The following SLC24A2 variants were observed in gnomAD, a reference collection of about 807,000 sequenced individuals.
SLC24A2 encodes the protein sodium/potassium/calcium exchanger 2.
A neutral mutation model predicts 62.0 loss-of-function variants in SLC24A2; 36 were observed. The ratio of observed to expected loss-of-function variants is 0.58; its 90% CI spans 0.44 to 0.77. The LOEUF is 0.77. SLC24A2 is among the 30% of genes least tolerant of loss of function. The probability of loss-of-function intolerance (pLI) is 0.00; values close to 1 mark genes in which losing one functional copy is unlikely to be tolerated. For synonymous variants in SLC24A2, 358 were observed against 294.0 expected, an observed-to-expected ratio of 1.22 and a Z score of -2.23; for missense variants, 846 against 817.9, an observed-to-expected ratio of 1.03 and a Z score of -0.42.
the SLC24A2 span, among the ~76,000 whole-genome samples, chr9:20,200,076 A>C: frequency 2.0e-5 from 3 of 151,970 alleles, no homozygotes; most frequent in South Asian, 4.2e-4. Context: ...TTCAAATAAG[A>C]AACAAAAATA....
At chr9:19,895,207 C>A in the SLC24A2 span, among the ~76,000 whole-genome samples, 2 of 151,808 alleles carry the variant, frequency 1.3e-5, no homozygotes, top group Non-Finnish European at 2.9e-5. Context: ...AGGAAATCAG[C>A]AGCTTAACCA....
chr9:19,779,447 ATAT>A (rs1339180125), intron 2 of SLC24A2, among the ~76,000 whole-genome samples: 21 of 152,248 alleles, frequency 1.4e-4, no homozygotes, highest in African/African-American at 4.6e-4. Context: ...AGACAGTGGA[ATAT>A]TATTATCGAA....
chr9:20,141,266 T>C, the SLC24A2 span, among the ~76,000 whole-genome samples: 1 of 152,052 alleles, frequency 6.6e-6, no homozygotes, highest in Non-Finnish European at 1.5e-5. Flanking sequence ...CTCTATCTCT[T>C]CCATGTCTCA....
At chr9:19,614,102 GT>G (rs1817701631) in intron 4 of SLC24A2, among the ~76,000 whole-genome samples, 1 of 152,158 alleles carries the variant, frequency 6.6e-6, no homozygotes, top group East Asian at 1.9e-4. Flanking sequence ...CAGCATCCTT[GT>G]TTTTAGGTTC....
chr9:19,860,309 C>G, the SLC24A2 span, among the ~76,000 whole-genome samples: 1 of 152,194 alleles, frequency 6.6e-6, no homozygotes, highest in East Asian at 1.9e-4. Flanking sequence ...TTTTCCAGGC[C>G]CTATCTCCCA....
the SLC24A2 span, among the ~76,000 whole-genome samples, chr9:19,962,086 G>C: frequency 6.6e-6 from 1 of 152,178 alleles, no homozygotes; most frequent in African/African-American, 2.4e-5. Flanking sequence ...ATCTGTGTTA[G>C]GTCAGTCAGT....
At chr9:19,548,694 C>G (rs1834698406) in intron 8 of SLC24A2, among the ~76,000 whole-genome samples, 1 of 152,234 alleles carries the variant, frequency 6.6e-6, no homozygotes, top group South Asian at 2.1e-4. Flanking sequence ...GCTGATGCAC[C>G]TAACAAGAAA....
At chr9:19,799,162 C>T in the SLC24A2 span, among the ~76,000 whole-genome samples, 1 of 151,978 alleles carries the variant, frequency 6.6e-6, no homozygotes, top group Non-Finnish European at 1.5e-5. Context: ...CTTTTTTCAG[C>T]TCTTCTAACT....
the SLC24A2 span, among the ~76,000 whole-genome samples, chr9:20,208,131 G>A: frequency 6.6e-6 from 1 of 152,188 alleles, no homozygotes; most frequent in East Asian, 1.9e-4. Flanking sequence ...ATCAGGGAAG[G>A]AAAAGGGATC....
the SLC24A2 span, among the ~76,000 whole-genome samples, chr9:19,889,048 T>C: frequency 2.0e-5 from 3 of 152,152 alleles, no homozygotes; most frequent in South Asian, 4.1e-4. Context: ...CCCCAGACCA[T>C]CAGTGTGAGC....
At chr9:19,567,690 CAAAAA>C (rs113815958) in intron 7 of SLC24A2, among the ~76,000 whole-genome samples, 5 of 142,484 alleles carry the variant, frequency 3.5e-5, no homozygotes, top group African/African-American at 1.3e-4. Context: ...TTAAAATAAC[CAAAAA>C]AAAAAAAAAA....
the SLC24A2 span, among the ~76,000 whole-genome samples, chr9:20,227,271 T>A: frequency 6.6e-6 from 1 of 152,100 alleles, no homozygotes; most frequent in Non-Finnish European, 1.5e-5. Context: ...CCAATGAAAA[T>A]CTTTGATTTG....
At chr9:19,555,502 T>C (rs1835041866) in intron 7 of SLC24A2, among the ~76,000 whole-genome samples, 1 of 152,250 alleles carries the variant, frequency 6.6e-6, no homozygotes, top group South Asian at 2.1e-4. Context: ...GGCTGTATTT[T>C]CTCAAAACCA....
At chr9:20,230,369 A>G in the SLC24A2 span, among the ~76,000 whole-genome samples, 1 of 152,048 alleles carries the variant, frequency 6.6e-6, no homozygotes, top group Non-Finnish European at 1.5e-5. Context: ...AAGTGTTCCT[A>G]TTTCTCCACA....
chr9:19,834,732 A>G, the SLC24A2 span, among the ~76,000 whole-genome samples: 5 of 152,174 alleles, frequency 3.3e-5, no homozygotes, highest in African/African-American at 9.7e-5. Flanking sequence ...GAACGCCACA[A>G]AGATACTCCT....
the SLC24A2 span, among the ~76,000 whole-genome samples, chr9:20,259,492 C>A: frequency 6.6e-6 from 1 of 152,110 alleles, no homozygotes; most frequent in Non-Finnish European, 1.5e-5. Flanking sequence ...CCCTACCCTG[C>A]CCAGCCAAGA....
At chr9:20,029,959 G>A in the SLC24A2 span, among the ~76,000 whole-genome samples, 31 of 152,134 alleles carry the variant, frequency 2.0e-4, 1 homozygote, top group Admixed American at 1.3e-4. Flanking sequence ...TAGAAAATGG[G>A]CCTGTACTAA....
At position 19,730,002 on chromosome 9, in the gene SLC24A2, T is replaced by C. The variant is rs149726434; in HGVS notation, c.930+55935A>G. Among the ~76,000 whole-genome samples the C allele has an allele frequency of 2.5e-3, 377 of 152,170 alleles. 3 individuals are homozygous for C. The highest frequency in any genetic ancestry group is 8.5e-3 in the African/African-American group (353 of 41,514). ...CCCTATGAATATGTACCATTATCAT[T>C]TGTCAATTGAAAACGTAAAATTAAA... On this transcript the variant is annotated intron_variant, in intron 2 of 10. Transcript: ENST00000341998.
At chr9:20,079,279 C>G in the SLC24A2 span, among the ~76,000 whole-genome samples, 1 of 152,088 alleles carries the variant, frequency 6.6e-6, no homozygotes, top group Admixed American at 6.5e-5. Context: ...TTGCTTTAAG[C>G]CACAAAATTT....
Sources: gnomAD v4.1 joint callset for allele counts (sites outside exome capture counted in the v4.1 genomes callset) on GRCh38, gnomAD v4.1.1 for gene constraint, MANE v1.5 for transcripts, NCBI Gene and HGNC (gene_info 2026-07-23, HGNC 2026-07-21) for gene names.